The following HSF5 variants were observed in gnomAD, a reference collection of about 807,000 sequenced individuals.
The protein encoded by HSF5 is heat shock transcription factor 5.
HSF5 carries 5 observed loss-of-function variants against 50.8 expected under a neutral mutation model. The observed-to-expected ratio is 0.10, with a 90% CI of 0.05 to 0.21. The LOEUF is 0.21. HSF5 is among the 10% of genes least tolerant of loss of function. The pLI is 1.00. For synonymous variants in HSF5, 307 were observed against 307.4 expected (o/e 1.00, Z 0.02); for missense variants, 564 against 762.6 (o/e 0.74, Z 3.07).
rs1169196816 is a variant in HSF5 at position 58,480,358 on chromosome 17, C to A, written c.551-91G>T. 7 of 1,276,762 alleles carry A rather than the reference C, an allele frequency of 5.5e-6. No individual in the cohort carries two copies. In the East Asian group the frequency reaches 9.5e-5, roughly 17 times the overall value. 79.1% of individuals were successfully genotyped at this position (1,276,762 alleles called of 1,614,324 possible). ...GGTCATAAAATATGCTACTCTTCAC[C>A]TATCAGCCATTTTTAACACAACAGA... On this transcript the variant is annotated intron_variant, in intron 1 of 5. Transcript: ENST00000323777.
At chr17:58,482,424 C>A (rs532187441) in intron 1 of HSF5, among the ~76,000 whole-genome samples, 1 of 151,976 alleles carries the variant, frequency 6.6e-6, no homozygotes, top group Non-Finnish European at 1.5e-5. Context: ...ATGGTGAGAT[C>A]CTGGCCAGGT....
intron 5 of HSF5, among the ~76,000 whole-genome samples, chr17:58,455,208 C>T (rs1974692863): frequency 6.6e-6 from 1 of 152,014 alleles, no homozygotes; most frequent in African/African-American, 2.4e-5. Flanking sequence ...CAAAAGTTGC[C>T]AAGTACACAC....
chr17:58,458,013 A>G (rs1974736656), intron 5 of HSF5, among the ~76,000 whole-genome samples: 2 of 152,324 alleles, frequency 1.3e-5, no homozygotes, highest in African/African-American at 2.4e-5. Flanking sequence ...AACATTTTTC[A>G]AATTATTGTA....
rs534836135 is a variant in HSF5 at position 58,430,289 on chromosome 17, C to G, written c.1721-7859G>C. Among the ~76,000 whole-genome samples the G allele has an allele frequency of 5.3e-5, 8 of 152,286 alleles. No individual in the cohort carries two copies. The South Asian group carries it at 1.4e-3, about 28-fold the overall frequency. On this transcript the variant is annotated intron_variant, in intron 5 of 5. Transcript: ENST00000323777. ...GTTTTGCCATGTTGGCCAGGCTAGT[C>G]TTGAACTCCTGACCTCAGATTATCT...
At chr17:58,428,020 T>A (rs1371907027) in intron 5 of HSF5, among the ~76,000 whole-genome samples, 1 of 152,250 alleles carries the variant, frequency 6.6e-6, no homozygotes, top group Non-Finnish European at 1.5e-5. Context: ...AATAAAACTT[T>A]ATGGACATTG....
At chr17:58,461,612 C>T (rs1974794602) in intron 4 of HSF5, among the ~76,000 whole-genome samples, 1 of 152,222 alleles carries the variant, frequency 6.6e-6, no homozygotes, top group Non-Finnish European at 1.5e-5. Flanking sequence ...TGGCTCATGC[C>T]TGTAATCCCA....
intron 1 of HSF5, among the ~76,000 whole-genome samples, chr17:58,485,433 G>C (rs1189492413): frequency 1.3e-5 from 2 of 151,870 alleles, no homozygotes; most frequent in African/African-American, 4.8e-5. Context: ...CCTGGAAGAG[G>C]GGGAAGAGCA....
chr17:58,422,426 A>C lies in HSF5; in HGVS notation c.1725T>G (p.Leu575=). The C allele has an allele frequency of 6.2e-7, 1 of 1,613,684 alleles. No homozygotes were observed. Among genetic ancestry groups the C allele is most frequent in the Non-Finnish European group, 8.5e-7 (1 of 1,179,684 alleles). The change falls in exon 6 of 6, where the codon CTT becomes CTG. Residue 575 remains leucine (L), a synonymous_variant. Transcript: ENST00000323777. ...SNSQQGKSPD[L]HLLVDVACKQ... ...TGCAGGCCACGTCCACCAGCAGATG[A>C]AGATCTAGAAAGAAAGGATAGTTTA...
intron 2 of HSF5, among the ~76,000 whole-genome samples, chr17:58,471,875 A>G (rs2143794795): frequency 6.6e-6 from 1 of 152,146 alleles, no homozygotes; most frequent in East Asian, 1.9e-4. Flanking sequence ...CTTTTTTGAG[A>G]CAGGGTCTTG....
rs186479246 is a variant in HSF5 at position 58,478,337 on chromosome 17, G to A, written c.925+1556C>T. Among the ~76,000 whole-genome samples, 525 of 148,448 alleles carry A rather than the reference G, an allele frequency of 3.5e-3. 3 individuals carry two copies. The highest frequency in any genetic ancestry group is 5.2e-3 in the Non-Finnish European group (349 of 67,180). ...TACACACACACACAATTAGCCGAGA[G>A]TTGGTGGCAGGCGCCTGTAGTCCCA... is the stretch of plus-strand genomic sequence containing the variant. On this transcript the variant is annotated intron_variant, in intron 2 of 5. Transcript: ENST00000323777.
chr17:58,458,680 T>C, intron 5 of HSF5, 88 bp downstream of exon 5: 1 of 1,082,074 alleles, frequency 9.2e-7, no homozygotes, highest in Non-Finnish European at 1.3e-6. Flanking sequence ...TTATGAATAA[T>C]AAATGGAGAC....
intron 2 of HSF5, among the ~76,000 whole-genome samples, chr17:58,479,115 G>GT (rs1454051266): frequency 2.6e-5 from 4 of 151,734 alleles, no homozygotes; most frequent in African/African-American, 9.7e-5. Context: ...TGTTCACCAG[G>GT]TTTTTACTAA....
At chr17:58,472,386 G>A (rs1194417965) in intron 2 of HSF5, among the ~76,000 whole-genome samples, 1 of 152,104 alleles carries the variant, frequency 6.6e-6, no homozygotes, top group Non-Finnish European at 1.5e-5. Flanking sequence ...TGAAGTGGGA[G>A]GATAGCTTGA....
At chr17:58,453,151 A>G (rs1380721002) in intron 5 of HSF5, among the ~76,000 whole-genome samples, 1 of 152,214 alleles carries the variant, frequency 6.6e-6, no homozygotes, top group East Asian at 1.9e-4. Context: ...ACTATTCCAA[A>G]AAATTGGAGA....
chr17:58,457,713 G>A (rs1244678281), intron 5 of HSF5, among the ~76,000 whole-genome samples: 3 of 152,200 alleles, frequency 2.0e-5, no homozygotes, highest in African/African-American at 7.2e-5. Context: ...TTTGTCCTAT[G>A]GCACAAAAAT....
At chr17:58,425,092 G>A (rs949469392) in intron 5 of HSF5, among the ~76,000 whole-genome samples, 1 of 151,974 alleles carries the variant, frequency 6.6e-6, no homozygotes, top group Non-Finnish European at 1.5e-5. Flanking sequence ...CCACTGAACT[G>A]TATACTTAAA....
At chr17:58,476,878 TC>T (rs1975019112) in intron 2 of HSF5, 1 of 1,256,478 alleles carries the variant, frequency 8.0e-7, no homozygotes. Flanking sequence ...GTTTTTTTTT[TC>T]CTGAGGTCTC....
intron 5 of HSF5, among the ~76,000 whole-genome samples, chr17:58,429,532 T>C (rs1327381639): frequency 6.9e-6 from 1 of 143,956 alleles, no homozygotes; most frequent in Non-Finnish European, 1.5e-5. Context: ...AGACCCTGTC[T>C]AAAAAAATAA....
At chr17:58,466,661 G>A (rs1037720053) in intron 3 of HSF5, among the ~76,000 whole-genome samples, 2 of 152,034 alleles carry the variant, frequency 1.3e-5, no homozygotes, top group Non-Finnish European at 2.9e-5. Flanking sequence ...ATAGCCACAT[G>A]TGGCTAGTGG....
Sources: gnomAD v4.1 joint callset for allele counts (sites outside exome capture counted in the v4.1 genomes callset) on GRCh38, gnomAD v4.1.1 for gene constraint, MANE v1.5 for transcripts, NCBI Gene and HGNC (gene_info 2026-07-23, HGNC 2026-07-21) for gene names.